Variants in FBXO4 observed in about 807,000 individuals in gnomAD.
FBXO4 encodes the protein F-box only protein 4.
Under a neutral mutation model 43.7 loss-of-function variants are expected in FBXO4, and 36 were observed. That is an observed-to-expected ratio of 0.82 (90% CI 0.63 to 1.09). FBXO4 has a LOEUF of 1.09. Ranked by LOEUF, FBXO4 falls within the 50% of genes least tolerant of loss-of-function variation. The pLI is 0.00. For missense variants in FBXO4, 435 were observed against 474.1 expected, an observed-to-expected ratio of 0.92 and a Z score of 0.77; for synonymous variants, 180 against 165.6, an observed-to-expected ratio of 1.09 and a Z score of -0.67.
At chr5:42,030,232 C>G in the FBXO4 span, among the ~76,000 whole-genome samples, 1 of 152,168 alleles carries the variant, frequency 6.6e-6, no homozygotes, top group Admixed American at 6.6e-5. Flanking sequence ...GTAACCAAAA[C>G]AGCATGGTAC....
chr5:41,968,709 AT>A, the FBXO4 span, among the ~76,000 whole-genome samples: 11 of 151,448 alleles, frequency 7.3e-5, no homozygotes, highest in South Asian at 8.4e-4. Context: ...TAAGTATTCG[AT>A]TTTTTTTTCT....
Position 41,934,321 on chromosome 5 carries a change from A to G in FBXO4, c.898+13A>G. The G allele has an allele frequency of 6.2e-7, 1 of 1,613,940 alleles. No individual in the cohort carries two copies. Among genetic ancestry groups the G allele is most frequent in the Non-Finnish European group, 8.5e-7 (1 of 1,179,998 alleles). ...GAAGCTCATAAAAGTAAGTACTCAT[A>G]TGTACATTTTTAAGCACATTGTTCT... On this transcript the variant is annotated intron_variant, in intron 5 of 6. Coordinates refer to ENST00000281623, the MANE Select transcript of FBXO4 (RefSeq NM_012176.3).
chr5:42,028,763 T>G, the FBXO4 span, among the ~76,000 whole-genome samples: 2 of 151,794 alleles, frequency 1.3e-5, no homozygotes, highest in Non-Finnish European at 2.9e-5. Flanking sequence ...TATTTTAACC[T>G]GATAACAACT....
the FBXO4 span, among the ~76,000 whole-genome samples, chr5:42,017,427 T>A: frequency 1.4e-4 from 21 of 148,622 alleles, no homozygotes; most frequent in African/African-American, 3.9e-4. Flanking sequence ...TTTCAAAAAA[T>A]TTCTTTTTTT....
the FBXO4 span, among the ~76,000 whole-genome samples, chr5:42,027,798 T>A: frequency 3.9e-5 from 6 of 151,926 alleles, no homozygotes; most frequent in African/African-American, 1.4e-4. Flanking sequence ...CCACTGGTCA[T>A]TCAGGAGCCT....
chr5:41,960,388 T>G, the FBXO4 span, among the ~76,000 whole-genome samples: 2 of 152,154 alleles, frequency 1.3e-5, no homozygotes, highest in Admixed American at 1.3e-4. Context: ...AGTACTATAT[T>G]GAACAGAAGT....
chr5:42,039,479 G>A, the FBXO4 span, among the ~76,000 whole-genome samples: 1 of 151,988 alleles, frequency 6.6e-6, no homozygotes. Context: ...GTTCCTACCT[G>A]TGGAACTATG....
At chr5:42,037,703 C>T in the FBXO4 span, among the ~76,000 whole-genome samples, 2 of 152,182 alleles carry the variant, frequency 1.3e-5, no homozygotes, top group East Asian at 1.9e-4. Context: ...CTACTGACAT[C>T]CACTGGTCTG....
chr5:41,941,321 T>A lies in FBXO4; in HGVS notation c.*40T>A, dbSNP rs370657056. On this transcript the variant is annotated 3_prime_UTR_variant, in exon 7 of 7. Transcript: ENST00000281623. ...CTTGGGAACTGAAACCATTTGAAATTTATTACTAAGGTCGTGATGTGAATA... is the reference window on the plus strand; with the variant it reads ...CTTGGGAACTGAAACCATTTGAAATATATTACTAAGGTCGTGATGTGAATA... 2 of 1,557,868 alleles carry A rather than the reference T, an allele frequency of 1.3e-6. No homozygotes were observed. The highest frequency in any genetic ancestry group is 1.8e-6 in the Non-Finnish European group (2 of 1,129,512).
chr5:41,967,122 T>C, the FBXO4 span: 376 of 335,170 alleles, frequency 1.1e-3, 1 homozygote, highest in African/African-American at 7.6e-3. Context: ...TTTGGTGATA[T>C]AGAAGACACA....
intron 2 of FBXO4, among the ~76,000 whole-genome samples, chr5:41,929,459 G>C (rs1312367463): frequency 6.6e-6 from 1 of 152,126 alleles, no homozygotes; most frequent in African/African-American, 2.4e-5. Context: ...CCACTTCATG[G>C]GGGAAGAGTT....
At chr5:42,021,054 C>T in the FBXO4 span, among the ~76,000 whole-genome samples, 1 of 152,032 alleles carries the variant, frequency 6.6e-6, no homozygotes, top group Admixed American at 6.6e-5. Flanking sequence ...CACACAGGGT[C>T]CTGTAGGTCA....
Position 41,941,279 on chromosome 5 carries a change from T to C in FBXO4, c.1162T>C (p.Ter388ArgextTer12). The C allele has an allele frequency of 6.2e-7, 1 of 1,612,778 alleles. No homozygotes were observed. Among genetic ancestry groups the C allele is most frequent in the Non-Finnish European group, 8.5e-7 (1 of 1,178,894 alleles). Residue 388 changes from the stop codon to arginine (R), a stop_lost, in exon 7 of 7, where the codon TGA becomes CGA. Transcript: ENST00000281623. ...AGAAGTGGAATCTAAGCGTGCAAGA[T>C]GATTCTCTTTTCAGATCTTGGGAAC... Reference protein sequence around the residue: ...LEEVESKRAR* With the variant: ...LEEVESKRARR
the FBXO4 span, among the ~76,000 whole-genome samples, chr5:41,954,218 TA>T: frequency 5.9e-5 from 9 of 152,236 alleles, no homozygotes; most frequent in South Asian, 2.1e-4. Flanking sequence ...CTCATTTGAA[TA>T]AAAAAATTTA....
chr5:42,031,855 T>C, the FBXO4 span, among the ~76,000 whole-genome samples: 1 of 152,020 alleles, frequency 6.6e-6, no homozygotes, highest in Non-Finnish European at 1.5e-5. Flanking sequence ...TCGGTAAGAC[T>C]TGAGTGCTGT....
chr5:41,928,185 A>G (rs1308284065), intron 2 of FBXO4, among the ~76,000 whole-genome samples: 2 of 152,206 alleles, frequency 1.3e-5, no homozygotes, highest in Non-Finnish European at 2.9e-5. Flanking sequence ...CTCACTTGCT[A>G]GGCAATACCT....
chr5:41,961,508 C>T, the FBXO4 span, among the ~76,000 whole-genome samples: 1 of 152,148 alleles, frequency 6.6e-6, no homozygotes, highest in East Asian at 1.9e-4. Context: ...TCAGGGACCC[C>T]TGCTCCCCTG....
At chr5:41,999,528 T>C in the FBXO4 span, among the ~76,000 whole-genome samples, 2 of 109,062 alleles carry the variant, frequency 1.8e-5, no homozygotes, top group South Asian at 2.4e-4. Context: ...TATATACATA[T>C]ATATATACAT....
the FBXO4 span, among the ~76,000 whole-genome samples, chr5:42,036,775 T>C: frequency 4.1e-4 from 63 of 152,240 alleles, no homozygotes; most frequent in African/African-American, 1.4e-3. Flanking sequence ...TACAAACTTG[T>C]AAATGACTTC....
Sources: allele counts gnomAD v4.1 joint callset (sites outside exome capture counted in the v4.1 genomes callset), GRCh38; gene constraint gnomAD v4.1.1; transcripts MANE v1.5; gene names NCBI Gene and HGNC (gene_info 2026-07-23, HGNC 2026-07-21).